The following PVT1 variants were observed in gnomAD, a reference collection of about 807,000 sequenced individuals.
PVT1 encodes CXCR4/PVT1 fusion.
chr8:128,010,695 CTAT>C (rs879499129), intron 4 of PVT1: 1 of 152,154 alleles, frequency 6.6e-6, no homozygotes, highest in Non-Finnish European at 1.5e-5. Flanking sequence ...GAGGTCTTGG[CTAT>C]TATTTGTTGT....
chr8:128,068,051 CA>C (rs1813932199), intron 4 of PVT1, among the ~76,000 whole-genome samples: 1 of 151,846 alleles, frequency 6.6e-6, no homozygotes, highest in Admixed American at 6.6e-5. Context: ...TCATCTCACC[CA>C]ATTACAACTC....
At chr8:127,984,873 C>CTTTCTTTCT (rs1170298529) in intron 3 of PVT1, among the ~76,000 whole-genome samples, 1 of 83,130 alleles carries the variant, frequency 1.2e-5, no homozygotes, top group African/African-American at 4.3e-5. Context: ...TTCTTTCTTT[C>CTTTCTTTCT]TTTCTTTCTT....
At chr8:127,917,995 G>A (rs1004208923) in intron 3 of PVT1, among the ~76,000 whole-genome samples, 4 of 152,388 alleles carry the variant, frequency 2.6e-5, no homozygotes, top group East Asian at 1.9e-4. Flanking sequence ...TGCTTGCCCC[G>A]TAGCAGATGA....
At chr8:127,927,507 G>A (rs916844366) in intron 3 of PVT1, among the ~76,000 whole-genome samples, 1 of 152,184 alleles carries the variant, frequency 6.6e-6, no homozygotes, top group Non-Finnish European at 1.5e-5. Context: ...TGCCTCTTAG[G>A]GGGATGAGTT....
chr8:127,840,199 ATG>A (rs1814958706), intron 2 of PVT1, among the ~76,000 whole-genome samples: 1 of 152,144 alleles, frequency 6.6e-6, no homozygotes, highest in Non-Finnish European at 1.5e-5. Flanking sequence ...GTTTGAGCAG[ATG>A]TGTGCATCAC....
rs1013346080 is a variant in PVT1 at position 127,898,056 on chromosome 8, C to T, written n.782+7058C>T. Among the ~76,000 whole-genome samples the T allele has an allele frequency of 7.4e-6, 1 of 135,064 alleles. No homozygotes were observed. The highest frequency in any genetic ancestry group is 2.8e-5 in the African/African-American group (1 of 35,674). The allele number at this position is 135,064 out of a possible 152,430, so 88.6% of individuals were successfully genotyped here. A position where few individuals can be genotyped will look rare whatever the true frequency, so the allele number is the denominator to read the frequency against. ...AAATATACTCTGTCCTTTGTACCTG[C>T]GTGAAGAAAGAAAAGAAAAGAAAGA... On this transcript the variant is annotated intron_variant and non_coding_transcript_variant, in intron 3 of 10. Coordinates refer to ENST00000651587, the Ensembl canonical transcript of PVT1. This position sits in a 1 kb window ranked among gnomAD's most constrained non-coding sequence, Gnocchi z 4.4.
At chr8:127,899,003 C>T (rs1815725554) in intron 3 of PVT1, among the ~76,000 whole-genome samples, 1 of 152,198 alleles carries the variant, frequency 6.6e-6, no homozygotes, top group Non-Finnish European at 1.5e-5. Flanking sequence ...CTCTGAGTCA[C>T]TCAGTAGCTT....
intron 1 of PVT1, among the ~76,000 whole-genome samples, chr8:127,795,480 A>G (rs1289561450): frequency 6.6e-6 from 1 of 152,122 alleles, no homozygotes; most frequent in Non-Finnish European, 1.5e-5. Flanking sequence ...AGGCCCTTCT[A>G]GAACATTAGA....
intron 3 of PVT1, among the ~76,000 whole-genome samples, chr8:127,984,905 C>A (rs1184752509): frequency 1.0e-5 from 1 of 96,206 alleles, no homozygotes; most frequent in Non-Finnish European, 2.2e-5. Context: ...TTCTTTCTTT[C>A]TTTCTTTCTT....
chr8:128,007,755 G>T (rs893230506), intron 4 of PVT1, among the ~76,000 whole-genome samples: 5 of 152,236 alleles, frequency 3.3e-5, no homozygotes, highest in Non-Finnish European at 7.3e-5. Context: ...TTCTACACGT[G>T]TAGGTTTAGG....
chr8:127,980,303 T>C (rs1816868622), intron 3 of PVT1, among the ~76,000 whole-genome samples: 1 of 152,188 alleles, frequency 6.6e-6, no homozygotes, highest in Non-Finnish European at 1.5e-5. Context: ...TTAGCAAATA[T>C]GTATATCTAT....
At chr8:127,873,076 T>C (rs1002589183) in intron 2 of PVT1, among the ~76,000 whole-genome samples, 1 of 152,124 alleles carries the variant, frequency 6.6e-6, no homozygotes, top group Non-Finnish European at 1.5e-5. Flanking sequence ...GCTGTTCTGC[T>C]TGGGGTTAGG....
chr8:127,989,158 C>G (rs1283454777), intron 3 of PVT1: 3 of 152,100 alleles, frequency 2.0e-5, no homozygotes, highest in African/African-American at 7.2e-5. Flanking sequence ...TTGTGTGTTT[C>G]TAGAATCCTG....
intron 2 of PVT1, among the ~76,000 whole-genome samples, chr8:127,841,926 G>A (rs548475330): frequency 4.3e-4 from 65 of 151,780 alleles, no homozygotes; most frequent in South Asian, 4.2e-3. Context: ...GGGTTTCACC[G>A]TGTTGGCCAG....
intron 2 of PVT1, among the ~76,000 whole-genome samples, chr8:127,811,977 C>T (rs1488831364): frequency 3.9e-5 from 6 of 151,956 alleles, no homozygotes; most frequent in Non-Finnish European, 5.9e-5. Flanking sequence ...TGTGGCGGCT[C>T]GTGCCTGTAA....
chr8:127,800,582 T>A (rs1170916634), intron 2 of PVT1, among the ~76,000 whole-genome samples: 1 of 152,202 alleles, frequency 6.6e-6, no homozygotes, highest in African/African-American at 2.4e-5. Context: ...CCTCATAAAA[T>A]GGCAGCCTCC....
intron 3 of PVT1, among the ~76,000 whole-genome samples, chr8:127,916,066 A>G (rs989202612): frequency 6.6e-6 from 1 of 152,224 alleles, no homozygotes; most frequent in Non-Finnish European, 1.5e-5. Flanking sequence ...CCAAAAGAAA[A>G]CAGAAGATGT....
chr8:127,800,105 T>TGCAGAGCACTTA (rs767953541), intron 2 of PVT1, among the ~76,000 whole-genome samples: 3 of 152,170 alleles, frequency 2.0e-5, no homozygotes, highest in Non-Finnish European at 2.9e-5. Context: ...CCTGGGATGG[T>TGCAGAGCACTTA]GCAGAGCACT....
At chr8:127,847,227 T>TTGGCCACCGCCCC (rs6150804) in intron 2 of PVT1, among the ~76,000 whole-genome samples, 1 of 151,508 alleles carries the variant, frequency 6.6e-6, no homozygotes, top group African/African-American at 2.4e-5. Flanking sequence ...AGTCGAACTC[T>TTGGCCACCGCCCC]TGGCCCCAAA....
Sources: allele counts gnomAD v4.1 joint callset (sites outside exome capture counted in the v4.1 genomes callset), GRCh38; gene constraint gnomAD v4.1.1; non-coding constraint Gnocchi (gnomAD v3.1); transcripts MANE v1.5; gene names NCBI Gene and HGNC (gene_info 2026-07-23, HGNC 2026-07-21).